The following BLTP3B variants were observed in gnomAD, a reference collection of about 807,000 sequenced individuals.
BLTP3B encodes the protein UHRF1 (ICBP90) binding protein 1-like.
chr12:100,068,296 T>G, the BLTP3B span, among the ~76,000 whole-genome samples: 1 of 152,346 alleles, frequency 6.6e-6, no homozygotes, highest in East Asian at 1.9e-4. Flanking sequence ...GCTAACCATA[T>G]GTGGGAGAAT....
chr12:100,108,781 T>C, the BLTP3B span, among the ~76,000 whole-genome samples: 3 of 152,144 alleles, frequency 2.0e-5, no homozygotes, highest in South Asian at 6.2e-4. Flanking sequence ...TGGAGGACAC[T>C]ACAGTTAAGT....
At chr12:100,126,592 T>C in the BLTP3B span, among the ~76,000 whole-genome samples, 1 of 152,096 alleles carries the variant, frequency 6.6e-6, no homozygotes, top group Non-Finnish European at 1.5e-5. Context: ...ACAAAAATTC[T>C]ACTGTTATAA....
the BLTP3B span, among the ~76,000 whole-genome samples, chr12:100,096,882 C>A: frequency 4.6e-5 from 7 of 152,032 alleles, no homozygotes; most frequent in Admixed American, 6.6e-5. Flanking sequence ...GAGCTCAAGA[C>A]CAGTCTGAGC....
chr12:100,089,868 G>A, the BLTP3B span, among the ~76,000 whole-genome samples: 2 of 152,124 alleles, frequency 1.3e-5, no homozygotes, highest in African/African-American at 4.8e-5. Context: ...GAGACCTGGT[G>A]GGAGATAATT....
the BLTP3B span, among the ~76,000 whole-genome samples, chr12:100,101,249 C>T: frequency 1.3e-5 from 2 of 152,122 alleles, no homozygotes; most frequent in Non-Finnish European, 2.9e-5. Flanking sequence ...TCTGATAAAC[C>T]TGGCCTTTAG....
the BLTP3B span, among the ~76,000 whole-genome samples, chr12:100,139,340 G>A: frequency 6.6e-6 from 1 of 152,132 alleles, no homozygotes; most frequent in Non-Finnish European, 1.5e-5. Flanking sequence ...CCTTCATCCA[G>A]GCAAAGATGG....
chr12:100,070,142 G>T, the BLTP3B span: 1 of 1,561,902 alleles, frequency 6.4e-7, no homozygotes, highest in South Asian at 1.2e-5. Context: ...CATCTATCTT[G>T]AGTTTTCTCA....
chr12:100,084,328 C>T, the BLTP3B span: 8 of 862,922 alleles, frequency 9.3e-6, no homozygotes, highest in Non-Finnish European at 1.3e-5. Context: ...ACCCCCATCT[C>T]TACATTAAAA....
the BLTP3B span, among the ~76,000 whole-genome samples, chr12:100,104,204 C>CTTTTTTTTTT: frequency 2.3e-5 from 3 of 131,654 alleles, no homozygotes; most frequent in Admixed American, 7.7e-5. Flanking sequence ...TTCTTTTTTT[C>CTTTTTTTTTT]TTTTTTTTTT....
chr12:100,088,406 A>G, the BLTP3B span, among the ~76,000 whole-genome samples: 1 of 152,190 alleles, frequency 6.6e-6, no homozygotes, highest in Non-Finnish European at 1.5e-5. Flanking sequence ...AAAATTCCTA[A>G]CTGGAATTTT....
At chr12:100,103,026 G>T in the BLTP3B span, among the ~76,000 whole-genome samples, 3 of 151,810 alleles carry the variant, frequency 2.0e-5, no homozygotes, top group Admixed American at 1.3e-4. Context: ...TGCCAAAAAA[G>T]AACACAAAGC....
At chr12:100,063,447 C>T in the BLTP3B span, among the ~76,000 whole-genome samples, 1 of 152,154 alleles carries the variant, frequency 6.6e-6, no homozygotes, top group Non-Finnish European at 1.5e-5. Flanking sequence ...TGGCTCACGC[C>T]TGTAATCCCA....
the BLTP3B span, among the ~76,000 whole-genome samples, chr12:100,048,595 T>C: frequency 0.046 from 6,982 of 152,138 alleles, 237 homozygotes; most frequent in South Asian, 0.07. Context: ...GCCTGAGGTT[T>C]TGCACCTTCC....
chr12:100,131,625 T>C, the BLTP3B span, among the ~76,000 whole-genome samples: 1 of 152,164 alleles, frequency 6.6e-6, no homozygotes, highest in Admixed American at 6.5e-5. Context: ...TTAGTGAATA[T>C]AATGTCTGAA....
At chr12:100,142,602 G>A in the BLTP3B span, 1 of 1,609,122 alleles carries the variant, frequency 6.2e-7, no homozygotes, top group South Asian at 1.1e-5. Flanking sequence ...CTGGAGAGGT[G>A]CTTCAAGATT....
the BLTP3B span, among the ~76,000 whole-genome samples, chr12:100,107,375 G>A: frequency 6.8e-6 from 1 of 146,466 alleles, no homozygotes; most frequent in East Asian, 2.0e-4. Context: ...AGTAAACAGA[G>A]ACCCTTAAAA....
At chr12:100,135,164 G>A in the BLTP3B span, among the ~76,000 whole-genome samples, 1 of 152,018 alleles carries the variant, frequency 6.6e-6, no homozygotes, top group African/African-American at 2.4e-5. Flanking sequence ...CTATATTGGT[G>A]GTCTTCGTAT....
chr12:100,122,008 C>T, the BLTP3B span, among the ~76,000 whole-genome samples: 3 of 151,892 alleles, frequency 2.0e-5, no homozygotes, highest in South Asian at 4.2e-4. Flanking sequence ...CATGGTGGTG[C>T]CTGCTTGTAA....
chr12:100,071,354 G>A, the BLTP3B span, among the ~76,000 whole-genome samples: 1,187 of 151,776 alleles, frequency 7.8e-3, 13 homozygotes, highest in African/African-American at 0.027. Flanking sequence ...AAAATTAGCC[G>A]GGAGTGTTGG....
Sources: allele counts gnomAD v4.1 joint callset (sites outside exome capture counted in the v4.1 genomes callset), GRCh38; gene constraint gnomAD v4.1.1; transcripts MANE v1.5; gene names NCBI Gene and HGNC (gene_info 2026-07-23, HGNC 2026-07-21).